Variants in CHLSN observed in about 807,000 individuals in gnomAD.
CHLSN encodes the protein protein cholesin.
the CHLSN span, among the ~76,000 whole-genome samples, chr7:993,230 G>A: frequency 1.3e-5 from 2 of 152,224 alleles, no homozygotes; most frequent in Admixed American, 6.5e-5. Flanking sequence ...GCTGGAGCGC[G>A]TGGAGAGAGC....
the CHLSN span, among the ~76,000 whole-genome samples, chr7:1,019,269 C>A: frequency 6.7e-6 from 1 of 149,742 alleles, no homozygotes; most frequent in African/African-American, 2.5e-5. Flanking sequence ...AGGGGCCCAA[C>A]CAGGCCCACC....
chr7:1,061,415 G>A, the CHLSN span, among the ~76,000 whole-genome samples: 2 of 151,918 alleles, frequency 1.3e-5, no homozygotes, highest in Non-Finnish European at 2.9e-5. Flanking sequence ...CCCCTACCCA[G>A]CGAGTCCCCT....
chr7:1,071,347 C>T, the CHLSN span, among the ~76,000 whole-genome samples: 4 of 152,288 alleles, frequency 2.6e-5, no homozygotes, highest in Non-Finnish European at 4.4e-5. Flanking sequence ...GTGGTGAAAC[C>T]GGAAGGTGCT....
the CHLSN span, chr7:1,088,246 G>C: frequency 6.6e-6 from 1 of 152,308 alleles, no homozygotes; most frequent in African/African-American, 2.4e-5. This position sits in a 1 kb window ranked among gnomAD's most constrained non-coding sequence, Gnocchi z 4.5. Context: ...CTCCTGCAGC[G>C]GGTTCCAAGT....
chr7:984,442 G>A, the CHLSN span: 22 of 1,549,042 alleles, frequency 1.4e-5, no homozygotes, highest in Middle Eastern at 1.7e-4. Flanking sequence ...GGTGTTCACC[G>A]TGCACCTGGG....
the CHLSN span, among the ~76,000 whole-genome samples, chr7:1,053,688 G>A: frequency 6.6e-6 from 1 of 152,202 alleles, no homozygotes; most frequent in African/African-American, 2.4e-5. Context: ...TTAGCTGGGT[G>A]TGGTGGCAGT....
At chr7:1,023,519 A>T in the CHLSN span, among the ~76,000 whole-genome samples, 1 of 151,592 alleles carries the variant, frequency 6.6e-6, no homozygotes, top group Non-Finnish European at 1.5e-5. This position sits in a 1 kb window ranked among gnomAD's most constrained non-coding sequence, Gnocchi z 5.0. Flanking sequence ...CCTTCCTAGG[A>T]AGGAGGTTCC....
At chr7:1,014,446 C>T in the CHLSN span, among the ~76,000 whole-genome samples, 44 of 152,386 alleles carry the variant, frequency 2.9e-4, no homozygotes, top group African/African-American at 1.0e-3. Context: ...ACCCGTCCAT[C>T]TGTGTGACAC....
At chr7:1,106,353 C>T in the CHLSN span, among the ~76,000 whole-genome samples, 11 of 152,216 alleles carry the variant, frequency 7.2e-5, no homozygotes, top group Non-Finnish European at 1.6e-4. Context: ...CCCAGAGACA[C>T]GTCCTTCCAG....
the CHLSN span, chr7:1,093,385 TAA>T: frequency 2.3e-6 from 1 of 443,932 alleles, no homozygotes; most frequent in Non-Finnish European, 4.8e-6. Context: ...ACCGCCGAGT[TAA>T]AGAGGAGAAG....
At chr7:1,009,088 G>C in the CHLSN span, among the ~76,000 whole-genome samples, 2 of 151,224 alleles carry the variant, frequency 1.3e-5, no homozygotes, top group Non-Finnish European at 3.0e-5. Flanking sequence ...ATCCACGCAG[G>C]CCCCGCTGCT....
At chr7:1,115,992 C>A in the CHLSN span, among the ~76,000 whole-genome samples, 81 of 126,774 alleles carry the variant, frequency 6.4e-4, 13 homozygotes, top group Non-Finnish European at 8.7e-4. Context: ...CTCTACGGAC[C>A]GGCTTCCAGC....
chr7:1,013,818 G>C, the CHLSN span, among the ~76,000 whole-genome samples: 1 of 152,200 alleles, frequency 6.6e-6, no homozygotes, highest in African/African-American at 2.4e-5. Context: ...CAGCATTTCA[G>C]ACTTGATGAA....
At chr7:1,097,012 C>T in the CHLSN span, among the ~76,000 whole-genome samples, 1 of 152,204 alleles carries the variant, frequency 6.6e-6, no homozygotes, top group Admixed American at 6.5e-5. The surrounding 1 kb of genome is among the most constrained non-coding windows in gnomAD (Gnocchi z 4.3). Context: ...GCTCCTGAAG[C>T]CGGGGCTCTC....
chr7:1,039,242 G>GT, the CHLSN span, among the ~76,000 whole-genome samples: 1 of 47,752 alleles, frequency 2.1e-5, no homozygotes, highest in Non-Finnish European at 3.7e-5. Context: ...AGGTGGGGGG[G>GT]GTCAGCCCCC....
At chr7:1,110,799 C>A in the CHLSN span, among the ~76,000 whole-genome samples, 7 of 150,484 alleles carry the variant, frequency 4.7e-5, no homozygotes, top group African/African-American at 1.7e-4. Context: ...AGATAAATTA[C>A]AATAGAAGTG....
the CHLSN span, among the ~76,000 whole-genome samples, chr7:1,119,684 C>A: frequency 2.6e-5 from 4 of 152,128 alleles, no homozygotes; most frequent in African/African-American, 9.7e-5. Flanking sequence ...CAAGACCAGC[C>A]CAGCCAACAA....
At chr7:1,126,174 C>T in the CHLSN span, among the ~76,000 whole-genome samples, 2 of 151,324 alleles carry the variant, frequency 1.3e-5, no homozygotes, top group African/African-American at 2.4e-5. Context: ...TCCCAGCTAA[C>T]ATGGTGAAAC....
chr7:1,005,051 T>A, the CHLSN span, among the ~76,000 whole-genome samples: 2 of 152,138 alleles, frequency 1.3e-5, no homozygotes, highest in Non-Finnish European at 2.9e-5. Context: ...GCTGAGCACT[T>A]TGGGAGGCCG....
Sources: allele counts gnomAD v4.1 joint callset (sites outside exome capture counted in the v4.1 genomes callset), GRCh38; gene constraint gnomAD v4.1.1; non-coding constraint Gnocchi (gnomAD v3.1); transcripts MANE v1.5; gene names NCBI Gene and HGNC (gene_info 2026-07-23, HGNC 2026-07-21).